The following ANKS1B variants were observed in gnomAD, a reference collection of about 807,000 sequenced individuals.
ANKS1B encodes ankyrin repeat and sterile alpha motif domain containing 1B.
In ANKS1B, 36 loss-of-function variants were observed where a neutral mutation model predicts 148.3. The observed-to-expected ratio is 0.24, with a 90% confidence interval of 0.19 to 0.32. The LOEUF (loss-of-function observed/expected upper bound fraction) is 0.32, where lower values mean the gene tolerates loss of function less well. Among genes scored for constraint, ANKS1B ranks in the 10% least tolerant of loss-of-function variants. ANKS1B has a pLI of 1.00. For missense variants in ANKS1B, 1,157 were observed against 1,542.6 expected (o/e 0.75, Z 4.19); for synonymous variants, 542 against 560.8 (o/e 0.97, Z 0.47).
At chr12:99,883,450 T>C (rs916256347) in intron 1 of ANKS1B, among the ~76,000 whole-genome samples, 8 of 152,128 alleles carry the variant, frequency 5.3e-5, no homozygotes, top group Admixed American at 1.3e-4. Context: ...ATATAGTTTT[T>C]TGAGTAATAA....
intron 15 of ANKS1B, among the ~76,000 whole-genome samples, chr12:99,132,094 G>C (rs1471182300): frequency 6.6e-6 from 1 of 152,094 alleles, no homozygotes; most frequent in African/African-American, 2.4e-5. Context: ...ACCGCCTCAT[G>C]GTTTCCATGG....
In ANKS1B at chr12:99,220,449, C is replaced by CTTT. The variant is rs5800380; in HGVS notation, c.2419+23890_2419+23892dup. ...CAAGCATACAATAAAAGTAGCATTT[C>CTTT]TTTTTTTTTTTTTTTTTTTTGAGAT... is the stretch of plus-strand genomic sequence containing the variant. On this transcript the variant is annotated intron_variant, in intron 14 of 26. Transcript: ENST00000683438. Among the ~76,000 whole-genome samples the CTTT allele has an allele frequency of 2.9e-4, 33 of 112,698 alleles. 1 individual carries two copies. The highest frequency in any genetic ancestry group is 3.7e-4 in the Non-Finnish European group (21 of 56,014). The allele number at this position is 112,698 out of a possible 152,430, so 73.9% of individuals were successfully genotyped here.
chr12:98,804,583 G>A (rs1056966610), intron 20 of ANKS1B, among the ~76,000 whole-genome samples: 1 of 152,124 alleles, frequency 6.6e-6, no homozygotes, highest in African/African-American at 2.4e-5. Context: ...CCCTTGGCTG[G>A]GATTCAGCTG....
At chr12:98,796,945 A>G (rs2098954888) in intron 22 of ANKS1B, among the ~76,000 whole-genome samples, 1 of 152,240 alleles carries the variant, frequency 6.6e-6, no homozygotes, top group Non-Finnish European at 1.5e-5. Context: ...TACATCTGGT[A>G]TATTTTAAAT....
At chr12:99,047,017 A>T (rs887220683) in intron 17 of ANKS1B, among the ~76,000 whole-genome samples, 5 of 152,192 alleles carry the variant, frequency 3.3e-5, no homozygotes, top group African/African-American at 1.2e-4. Context: ...AATGAATAGG[A>T]CATTGGTGAA....
At chr12:98,895,005 C>T (rs2099761740) in intron 17 of ANKS1B, 6 of 815,304 alleles carry the variant, frequency 7.4e-6, no homozygotes, top group Non-Finnish European at 8.9e-6. Context: ...GCGGCGGCGG[C>T]GGCGCGTCCT....
chr12:99,451,343 GC>G (rs2095732634), intron 10 of ANKS1B, among the ~76,000 whole-genome samples: 1 of 152,150 alleles, frequency 6.6e-6, no homozygotes, highest in South Asian at 2.1e-4. Flanking sequence ...TCAATACCCA[GC>G]ATGTAACAAA....
intron 14 of ANKS1B, among the ~76,000 whole-genome samples, chr12:99,176,982 C>A (rs1427255483): frequency 6.6e-6 from 1 of 152,164 alleles, no homozygotes; most frequent in Non-Finnish European, 1.5e-5. Flanking sequence ...CTGATAGACT[C>A]TGAATGCATA....
intron 10 of ANKS1B, among the ~76,000 whole-genome samples, chr12:99,489,990 T>C (rs757997286): frequency 3.2e-4 from 49 of 152,314 alleles, no homozygotes; most frequent in Admixed American, 1.0e-3. Flanking sequence ...GATAGTTAAA[T>C]ATACAGCTCT....
At chr12:99,522,937 G>GA (rs1383637285) in intron 9 of ANKS1B, among the ~76,000 whole-genome samples, 3 of 152,178 alleles carry the variant, frequency 2.0e-5, no homozygotes, top group Admixed American at 2.0e-4. Context: ...GAGACTGGGG[G>GA]AGACTTGGCC....
At chr12:99,468,532 C>A (rs2096176511) in intron 10 of ANKS1B, among the ~76,000 whole-genome samples, 1 of 152,094 alleles carries the variant, frequency 6.6e-6, no homozygotes, top group Non-Finnish European at 1.5e-5. Flanking sequence ...ATTTTCGCAA[C>A]CTACTCGTCT....
intron 17 of ANKS1B, among the ~76,000 whole-genome samples, chr12:98,966,055 A>T (rs2099877589): frequency 6.6e-6 from 1 of 152,228 alleles, no homozygotes; most frequent in Non-Finnish European, 1.5e-5. Context: ...AATAGGATCT[A>T]ATTAGACTAA....
intron 11 of ANKS1B, among the ~76,000 whole-genome samples, chr12:99,432,487 A>ATGGAAGGAAGGAAGG (rs897839220): frequency 6.6e-5 from 10 of 152,206 alleles, no homozygotes; most frequent in African/African-American, 2.2e-4. Context: ...AAAGAGAGGG[A>ATGGAAGGAAGGAAGG]TGGAAGGAAG....
At chr12:99,946,266 G>C (rs1384425836) in intron 1 of ANKS1B, among the ~76,000 whole-genome samples, 1 of 152,188 alleles carries the variant, frequency 6.6e-6, no homozygotes, top group Non-Finnish European at 1.5e-5. Flanking sequence ...TTCTTGGCTA[G>C]ATCAGTGACC....
chr12:99,267,118 T>A (rs1566771269), intron 12 of ANKS1B, among the ~76,000 whole-genome samples: 1 of 152,158 alleles, frequency 6.6e-6, no homozygotes, highest in Non-Finnish European at 1.5e-5. Context: ...GAACTCCATC[T>A]CCAAATCAGT....
chr12:99,463,882 C>T, intron 10 of ANKS1B, among the ~76,000 whole-genome samples: 1 of 152,180 alleles, frequency 6.6e-6, no homozygotes, highest in Middle Eastern at 3.2e-3. Context: ...GACAAAAAGA[C>T]AGCAGTAACC....
At chr12:99,863,956 C>G (rs1016130189) in intron 1 of ANKS1B, among the ~76,000 whole-genome samples, 8 of 151,484 alleles carry the variant, frequency 5.3e-5, no homozygotes, top group African/African-American at 1.9e-4. Flanking sequence ...ATCATCCCAG[C>G]TATTCAGGAG....
rs762103561 is a variant in ANKS1B, at chr12:99,228,594, T to C, written c.2419+15748A>G. ...GTAAAATGGTATGTGAAAGTGAAGA[T>C]TGCAAAACTTTTATCCATAAAATTA... On this transcript the variant is annotated intron_variant, in intron 14 of 26. Coordinates refer to ENST00000683438, the MANE Select transcript of ANKS1B (RefSeq NM_001352186.2). Among the ~76,000 whole-genome samples the C allele has an allele frequency of 1.4e-4, 21 of 152,002 alleles. No individual in the cohort carries two copies. In the South Asian group the frequency reaches 1.9e-3, roughly 13 times the overall value.
At chr12:99,583,661 A>G (rs1261440150) in intron 9 of ANKS1B, among the ~76,000 whole-genome samples, 1 of 152,144 alleles carries the variant, frequency 6.6e-6, no homozygotes, top group Non-Finnish European at 1.5e-5. Context: ...TTTTTCAATT[A>G]ATGCCAAATT....
Sources: gnomAD v4.1 joint callset for allele counts (sites outside exome capture counted in the v4.1 genomes callset) on GRCh38, gnomAD v4.1.1 for gene constraint, MANE v1.5 for transcripts, NCBI Gene and HGNC (gene_info 2026-07-23, HGNC 2026-07-21) for gene names.